PCDH15: variants seen among roughly 807,000 people sequenced by gnomAD.
PCDH15 encodes protocadherin related 15.
A neutral mutation model predicts 178.5 loss-of-function variants in PCDH15; 129 were observed. The observed-to-expected ratio is 0.72, with a 90% CI of 0.63 to 0.84. The LOEUF (loss-of-function observed/expected upper bound fraction) is 0.84, where lower values mean the gene tolerates loss of function less well. Ranked by LOEUF, PCDH15 falls within the 40% of genes least tolerant of loss-of-function variation. The probability of loss-of-function intolerance (pLI) is 0.00; values close to 1 mark genes in which losing one functional copy is unlikely to be tolerated. For synonymous variants in PCDH15, 800 were observed against 732.0 expected (o/e 1.09, Z -1.50); for missense variants, 2,230 against 2,099.9 (o/e 1.06, Z -1.21).
intron 2 of PCDH15, among the ~76,000 whole-genome samples, chr10:55,006,570 A>G (rs1017701632): frequency 1.3e-5 from 2 of 151,254 alleles, no homozygotes; most frequent in Non-Finnish European, 3.0e-5. Context: ...TCATGGCTTG[A>G]TAAGTCTTTA....
intron 8 of PCDH15, among the ~76,000 whole-genome samples, chr10:54,241,702 A>G (rs547490536): frequency 6.6e-6 from 1 of 152,114 alleles, no homozygotes; most frequent in Admixed American, 6.5e-5. Flanking sequence ...TTTGCATTTC[A>G]TTGCTGTTTG....
chr10:55,376,266 G>A (rs150918269), intron 2 of PCDH15, among the ~76,000 whole-genome samples: 3 of 151,908 alleles, frequency 2.0e-5, no homozygotes, highest in Non-Finnish European at 2.9e-5. Context: ...TCCAGTTTTC[G>A]ATCCACTTAG....
At chr10:54,193,936 A>C (rs1232325500) in intron 11 of PCDH15, among the ~76,000 whole-genome samples, 3 of 152,018 alleles carry the variant, frequency 2.0e-5, no homozygotes, top group African/African-American at 7.2e-5. Context: ...GTTTGTTGTG[A>C]GATTTAAGGG....
chr10:54,858,933 T>C (rs918567429), intron 3 of PCDH15, among the ~76,000 whole-genome samples: 1 of 152,100 alleles, frequency 6.6e-6, no homozygotes, highest in African/African-American at 2.4e-5. Flanking sequence ...CACAATGATA[T>C]AATTCCTTTT....
At chr10:54,907,239 C>T (rs1289149670) in intron 2 of PCDH15, among the ~76,000 whole-genome samples, 1 of 152,142 alleles carries the variant, frequency 6.6e-6, no homozygotes, top group East Asian at 1.9e-4. Context: ...ATATGACACA[C>T]TAAATATATT....
At chr10:55,417,622 A>AATTTTTATTCTTT (rs1216051447) in intron 2 of PCDH15, among the ~76,000 whole-genome samples, 4 of 151,732 alleles carry the variant, frequency 2.6e-5, no homozygotes, top group African/African-American at 9.7e-5. Context: ...ATTATTCATA[A>AATTTTTATTCTTT]AGCTAGGATT....
At chr10:55,538,426 C>CTTCCTTCCTTCCTTCCTTCCTTCCTCCT (rs1841641933) in intron 2 of PCDH15, among the ~76,000 whole-genome samples, 1 of 107,220 alleles carries the variant, frequency 9.3e-6, no homozygotes, top group Non-Finnish European at 1.9e-5. Context: ...CCCTCCCTCC[C>CTTCCTTCCTTCCTTCCTTCCTTCCTCCT]TTCCTTCCTT....
rs141443730 is a variant in PCDH15 at position 54,968,990 on chromosome 10, A to C, written c.-79-71490T>G. On this transcript the variant is annotated intron_variant, in intron 2 of 5. Transcript: ENST00000458638. ...CATGGCTCTATTTATCATGCTCATA[A>C]TTTATCTTCATGTACATTTAGAATG... 5.2e-3 allele frequency among the ~76,000 whole-genome samples: 791 copies of C among 152,026 alleles called. 4 individuals are homozygous for C. The highest frequency in any genetic ancestry group is 0.018 in the African/African-American group (755 of 41,480).
intron 3 of PCDH15, among the ~76,000 whole-genome samples, chr10:54,816,789 T>C (rs1369636348): frequency 6.6e-6 from 1 of 152,062 alleles, no homozygotes; most frequent in Middle Eastern, 3.2e-3. Context: ...ATTTTTTATA[T>C]AGTTACAGGA....
intron 2 of PCDH15, chr10:54,599,670 G>A (rs1435101967): frequency 5.0e-6 from 2 of 397,544 alleles, no homozygotes; most frequent in Non-Finnish European, 9.5e-6. Context: ...TTGAAAAACT[G>A]GTACACTAGT....
rs573020403 is a variant in PCDH15, at chr10:54,008,480, G to A, written c.2751+11712C>T. Among the ~76,000 whole-genome samples, 13 of 152,150 alleles carry A rather than the reference G, an allele frequency of 8.5e-5. No individual in the cohort carries two copies. The South Asian group carries it at 2.7e-3, about 32-fold the overall frequency. Reference sequence around the variant, plus strand: ...CAGATACAGAATGAGGGTTACTTAGGGCATATCTTGCTTTTTGAGGTGATA... The same window carrying A: ...CAGATACAGAATGAGGGTTACTTAGAGCATATCTTGCTTTTTGAGGTGATA... On this transcript the variant is annotated intron_variant, in intron 20 of 37. Transcript: ENST00000644397.
intron 21 of PCDH15, among the ~76,000 whole-genome samples, chr10:53,984,242 T>C (rs2090937374): frequency 7.0e-6 from 1 of 143,360 alleles, no homozygotes; most frequent in Non-Finnish European, 1.5e-5. Flanking sequence ...TTCCGCCTCC[T>C]GGGTTCACAC....
intron 21 of PCDH15, among the ~76,000 whole-genome samples, chr10:53,989,209 T>A (rs2134755329): frequency 6.6e-6 from 1 of 152,252 alleles, no homozygotes; most frequent in Non-Finnish European, 1.5e-5. Flanking sequence ...AGTATCTGAG[T>A]ATGGACATTT....
At chr10:55,015,410 A>C (rs946142951) in intron 2 of PCDH15, among the ~76,000 whole-genome samples, 6 of 152,022 alleles carry the variant, frequency 3.9e-5, no homozygotes, top group Non-Finnish European at 8.8e-5. Flanking sequence ...GAAAACGCAG[A>C]CATACTTTTA....
chr10:54,404,803 A>C (rs1191142699), intron 3 of PCDH15, among the ~76,000 whole-genome samples: 2 of 152,114 alleles, frequency 1.3e-5, no homozygotes, highest in Admixed American at 1.3e-4. Flanking sequence ...GCAAATTTTT[A>C]AGGAAAAAAA....
At chr10:54,778,335 G>T (rs1949926416) in intron 1 of PCDH15, among the ~76,000 whole-genome samples, 1 of 151,554 alleles carries the variant, frequency 6.6e-6, no homozygotes, top group Non-Finnish European at 1.5e-5. Context: ...CATTAACTAA[G>T]TATCTTGAGG....
chr10:54,976,124 A>T (rs1481158350), intron 2 of PCDH15, among the ~76,000 whole-genome samples: 2 of 152,186 alleles, frequency 1.3e-5, no homozygotes, highest in African/African-American at 4.8e-5. Flanking sequence ...AAATTTCATC[A>T]GTTCACTAAA....
intron 18 of PCDH15, among the ~76,000 whole-genome samples, chr10:54,053,488 T>C (rs1165629648): frequency 3.9e-5 from 6 of 152,114 alleles, no homozygotes; most frequent in African/African-American, 1.4e-4. Flanking sequence ...CTATCAAAAT[T>C]TGTACACAGT....
rs2076097575 is a variant in PCDH15, at chr10:53,817,395, T to A, written c.4452+600A>T. Among the ~76,000 whole-genome samples, 3 of 152,016 alleles carry A rather than the reference T, an allele frequency of 2.0e-5. No homozygotes were observed. The South Asian group carries it at 6.2e-4, about 31-fold the overall frequency. Reference sequence around the variant, plus strand: ...ACCCAGAGCTTTCTAACATTCTGATTATTTTTAAAATCTTTAGGATCTCAA... The same window carrying A: ...ACCCAGAGCTTTCTAACATTCTGATAATTTTTAAAATCTTTAGGATCTCAA... On this transcript the variant is annotated intron_variant, in intron 34 of 37. Coordinates refer to ENST00000644397, the MANE Select transcript of PCDH15 (RefSeq NM_001384140.1).
Sources: gnomAD v4.1 joint callset for allele counts (sites outside exome capture counted in the v4.1 genomes callset) on GRCh38, gnomAD v4.1.1 for gene constraint, MANE v1.5 for transcripts, NCBI Gene and HGNC (gene_info 2026-07-23, HGNC 2026-07-21) for gene names.